The following KLHL25 variants were observed in gnomAD, a reference collection of about 807,000 sequenced individuals.
The protein encoded by KLHL25 is kelch-like protein 25.
KLHL25 carries 41 observed loss-of-function variants against 30.0 expected under a neutral mutation model. That is an observed-to-expected ratio of 1.37 (90% CI 1.07 to 1.78). The LOEUF is 1.78. Ranked by LOEUF, KLHL25 falls within the 40% of genes most tolerant of loss-of-function variation. The pLI, the probability that KLHL25 is intolerant of heterozygous loss-of-function variation, is 0.00. For missense variants in KLHL25, 971 were observed against 824.5 expected, an observed-to-expected ratio of 1.18 and a Z score of -2.18; for synonymous variants, 399 against 355.3, an observed-to-expected ratio of 1.12 and a Z score of -1.38.
chr15:85,782,198 C>T (rs577982991), intron 1 of KLHL25, among the ~76,000 whole-genome samples: 5 of 152,266 alleles, frequency 3.3e-5, no homozygotes, highest in Non-Finnish European at 7.3e-5. Flanking sequence ...ATAGCAAAAA[C>T]ATGGGTGCCC....
At chr15:85,771,732 G>C (rs1270936951) in intron 1 of KLHL25, among the ~76,000 whole-genome samples, 3 of 152,226 alleles carry the variant, frequency 2.0e-5, no homozygotes, top group Non-Finnish European at 4.4e-5. Context: ...CCCTTCTGGG[G>C]GTTGGGGTGA....
At chr15:85,774,534 A>T (rs562998986) in intron 1 of KLHL25, among the ~76,000 whole-genome samples, 2 of 152,286 alleles carry the variant, frequency 1.3e-5, no homozygotes, top group African/African-American at 4.8e-5. Context: ...CCAGTGACCG[A>T]AAGCGAAAGG....
At position 85,769,034 on chromosome 15, in the gene KLHL25, G is replaced by A. The variant is rs569327966; in HGVS notation, c.777C>T (p.Asp259=). 60 of 1,609,380 alleles carry A rather than the reference G, an allele frequency of 3.7e-5. No individual in the cohort carries two copies. The East Asian group carries it at 5.6e-4, about 15-fold the overall frequency. The change falls in exon 2 of 3, where the codon GAC becomes GAT. Residue 259 remains aspartate, a synonymous_variant. Coordinates refer to ENST00000337975, the MANE Select transcript of KLHL25 (RefSeq NM_022480.4). ...AVSSEALLMA[D]ERTKLIMDEA... is the part of the protein sequence containing the mutation. Reference sequence around the variant, plus strand: ...CATCCATGATAAGCTTGGTGCGCTCGTCTGCCATGAGGAGGGCCTCGCTGG... The same window carrying A: ...CATCCATGATAAGCTTGGTGCGCTCATCTGCCATGAGGAGGGCCTCGCTGG...
At chr15:85,782,194 A>G (rs2089748198) in intron 1 of KLHL25, among the ~76,000 whole-genome samples, 1 of 152,182 alleles carries the variant, frequency 6.6e-6, no homozygotes, top group Non-Finnish European at 1.5e-5. Context: ...ATTTATAGCA[A>G]AAACATGGGT....
chr15:85,767,590 T>A (rs1567237845), intron 2 of KLHL25, among the ~76,000 whole-genome samples: 1 of 152,228 alleles, frequency 6.6e-6, no homozygotes, highest in Non-Finnish European at 1.5e-5. Flanking sequence ...CAGCGACTTC[T>A]ATAAGTCTTT....
In KLHL25 at chr15:85,769,585, T is replaced by C. The variant is rs145055685; in HGVS notation, c.226A>G (p.Ser76Gly). 3.2e-5 allele frequency: 51 copies of C among 1,613,730 alleles called. No individual in the cohort carries two copies. The African/African-American group carries it at 6.0e-4, about 19-fold the overall frequency. ...TCCCGGCTCTCCCGAAGGCCATGGC[T>C]GAACATGGCCTCAAAATAGCGGCTA... ...ASSRYFEAMF[S>G]HGLRESRDDT... The change falls in exon 2 of 3, where the codon AGC becomes GGC. Residue 76 changes from serine (S) to glycine (G), a missense_variant. By Grantham distance (56) the Ser-to-Gly change is moderately conservative. Transcript: ENST00000337975.
chr15:85,779,460 A>C (rs993315299), intron 1 of KLHL25, among the ~76,000 whole-genome samples: 5 of 152,230 alleles, frequency 3.3e-5, no homozygotes, highest in Non-Finnish European at 1.5e-5. Flanking sequence ...TGTGGTATTA[A>C]AATGCAATGA....
chr15:85,790,342 C>A (rs1166989406), intron 1 of KLHL25, among the ~76,000 whole-genome samples: 3 of 152,162 alleles, frequency 2.0e-5, no homozygotes, highest in Non-Finnish European at 4.4e-5. Context: ...CCCACCTCGG[C>A]CTCCCAAAGC....
At chr15:85,767,045 C>G (rs922153344) in intron 2 of KLHL25, among the ~76,000 whole-genome samples, 1 of 147,182 alleles carries the variant, frequency 6.8e-6, no homozygotes, top group Admixed American at 6.9e-5. Context: ...GGCTGGAGTA[C>G]AGCGGCATGA....
chr15:85,777,995 A>C (rs1291171673), intron 1 of KLHL25, among the ~76,000 whole-genome samples: 2 of 152,234 alleles, frequency 1.3e-5, no homozygotes, highest in Admixed American at 1.3e-4. Context: ...TTCTGTCTTA[A>C]TCAGGACGGA....
At chr15:85,776,741 C>G (rs537475595) in intron 1 of KLHL25, among the ~76,000 whole-genome samples, 1 of 151,728 alleles carries the variant, frequency 6.6e-6, no homozygotes, top group Non-Finnish European at 1.5e-5. Context: ...CTGGCTAACA[C>G]AGTGAAACCC....
chr15:85,766,744 ACACT>A (rs2089628546), intron 2 of KLHL25, among the ~76,000 whole-genome samples: 1 of 152,150 alleles, frequency 6.6e-6, no homozygotes, highest in African/African-American at 2.4e-5. Context: ...CAACCCACAG[ACACT>A]CGCTCTGCAG....
Position 85,769,457 on chromosome 15 carries a change from C to A in KLHL25, c.354G>T (p.Glu118Asp). The A allele has an allele frequency of 6.2e-7, 1 of 1,614,078 alleles. No individual in the cohort carries two copies. Among genetic ancestry groups the A allele is most frequent in the Non-Finnish European group, 8.5e-7 (1 of 1,180,018 alleles). Residue 118 changes from glutamate to aspartate, a missense_variant, in exon 2 of 3, where the codon GAG (glutamate) becomes GAT (aspartate). Glu to Asp is a conservative substitution (Grantham distance 45, BLOSUM62 2). Coordinates refer to ENST00000337975, the MANE Select transcript of KLHL25 (RefSeq NM_022480.4). ...SRIAINEENA[E>D]SLLEAGDMLQ... ...GCATGTCGCCTGCCTCCAGCAGTGACTCAGCGTTCTCCTCGTTGATGGCGA... is the reference window on the plus strand; with the variant it reads ...GCATGTCGCCTGCCTCCAGCAGTGAATCAGCGTTCTCCTCGTTGATGGCGA...
At chr15:85,791,400 C>T (rs772325354) in intron 1 of KLHL25, among the ~76,000 whole-genome samples, 8 of 151,972 alleles carry the variant, frequency 5.3e-5, no homozygotes, top group Non-Finnish European at 1.0e-4. Context: ...GAGGCTGAGG[C>T]GGGAGAATCA....
intron 1 of KLHL25, among the ~76,000 whole-genome samples, chr15:85,778,718 G>A (rs980511295): frequency 6.6e-6 from 1 of 152,190 alleles, no homozygotes; most frequent in African/African-American, 2.4e-5. Flanking sequence ...AGCACCAAAG[G>A]GGACAGAAGA....
chr15:85,793,778 G>A (rs1472136492), intron 1 of KLHL25, among the ~76,000 whole-genome samples: 1 of 152,114 alleles, frequency 6.6e-6, no homozygotes, highest in Non-Finnish European at 1.5e-5. Context: ...CCTGACTACC[G>A]AGGAGAGTCA....
rs80246546 is a variant in KLHL25, at chr15:85,769,400, G to A, written c.411C>T (p.Ala137=). ...LQFHDVRDAA[A]EFLEKNLFPS... ...GGAAAAGGTTCTTCTCCAGGAACTC[G>A]GCGGCAGCATCCCGCACATCGTGGA... is the stretch of plus-strand genomic sequence containing the variant. The change falls in exon 2 of 3, where the codon GCC becomes GCT. Residue 137 remains alanine, a synonymous_variant. Coordinates refer to ENST00000337975, the MANE Select transcript of KLHL25 (RefSeq NM_022480.4). 1,010 of 1,614,134 alleles carry A rather than the reference G, an allele frequency of 6.3e-4. No homozygotes were observed. The highest frequency in any genetic ancestry group is 4.5e-3 in the African/African-American group (339 of 75,060).
rs987733783 is a variant in KLHL25, at chr15:85,760,268, G to C, written c.*768C>G. The C allele has an allele frequency of 5.3e-5, 8 of 152,296 alleles. No homozygotes were observed. Among genetic ancestry groups the C allele is most frequent in the African/African-American group, 1.7e-4 (7 of 41,462 alleles). The allele number at this position is 152,296 out of a possible 1,614,324, so 9.4% of individuals were successfully genotyped here. Reference sequence around the variant, plus strand: ...GCCTCTCAGGGTGGGCTCTGAGGAGGGGAGGGGAGGGGTGACCCCCAGGGC... The same window carrying C: ...GCCTCTCAGGGTGGGCTCTGAGGAGCGGAGGGGAGGGGTGACCCCCAGGGC... On this transcript the variant is annotated 3_prime_UTR_variant, in exon 3 of 3. Transcript: ENST00000337975.
At chr15:85,791,960 C>T (rs2089820407) in intron 1 of KLHL25, among the ~76,000 whole-genome samples, 1 of 152,190 alleles carries the variant, frequency 6.6e-6, no homozygotes, top group Admixed American at 6.5e-5. Flanking sequence ...CTTCCTATCC[C>T]CAAACCCCTT....
Sources: allele counts gnomAD v4.1 joint callset (sites outside exome capture counted in the v4.1 genomes callset), GRCh38; gene constraint gnomAD v4.1.1; transcripts MANE v1.5; gene names NCBI Gene and HGNC (gene_info 2026-07-23, HGNC 2026-07-21).